ANGEL1: variants seen among roughly 807,000 people sequenced by gnomAD.
ANGEL1 encodes the protein RNA 2',3'-cyclic phosphatase ANGEL1.
In ANGEL1, 62 loss-of-function variants were observed where a neutral mutation model predicts 76.4. The ratio of observed to expected loss-of-function variants is 0.81; its 90% CI spans 0.66 to 1.00. The LOEUF is 1.00. Among genes scored for constraint, ANGEL1 ranks in the 50% least tolerant of loss-of-function variants. The pLI, the probability that ANGEL1 is intolerant of heterozygous loss-of-function variation, is 0.00. For synonymous variants in ANGEL1, 340 were observed against 331.7 expected (o/e 1.03, Z -0.27); for missense variants, 737 against 836.7 (o/e 0.88, Z 1.47).
chr14:76,811,582 CTAG>C (rs1185241974), intron 1 of ANGEL1, among the ~76,000 whole-genome samples: 1 of 149,444 alleles, frequency 6.7e-6, no homozygotes, highest in Non-Finnish European at 1.5e-5. Context: ...AACCTCTGGA[CTAG>C]TATACTGTAT....
At chr14:76,798,129 TTG>T (rs777058715) in intron 7 of ANGEL1, among the ~76,000 whole-genome samples, 1,331 of 75,444 alleles carry the variant, frequency 0.018, 28 homozygotes, top group African/African-American at 0.055. Context: ...GCCAGTGCCT[TTG>T]TTTTTTTTTT....
chr14:76,802,661 T>C (rs1894800327), intron 7 of ANGEL1, among the ~76,000 whole-genome samples: 1 of 151,890 alleles, frequency 6.6e-6, no homozygotes, highest in Non-Finnish European at 1.5e-5. Flanking sequence ...TATCATGACC[T>C]GTGCTTTCTA....
intron 9 of ANGEL1, among the ~76,000 whole-genome samples, chr14:76,790,273 A>T (rs947925249): frequency 6.6e-6 from 1 of 152,098 alleles, no homozygotes; most frequent in Non-Finnish European, 1.5e-5. Context: ...GGGAGAGGAG[A>T]CAGAAAATAA....
At chr14:76,789,966 G>A (rs1894354192) in intron 9 of ANGEL1, among the ~76,000 whole-genome samples, 1 of 151,426 alleles carries the variant, frequency 6.6e-6, no homozygotes, top group South Asian at 2.1e-4. Flanking sequence ...CCGAGTTCAA[G>A]CGATTCTCCT....
intron 7 of ANGEL1, among the ~76,000 whole-genome samples, chr14:76,791,927 A>G (rs568137656): frequency 3.3e-5 from 5 of 152,312 alleles, no homozygotes; most frequent in Admixed American, 1.3e-4. Context: ...CAAATTACCA[A>G]TATCAGGAAA....
chr14:76,804,170 T>A (rs1159885426), intron 5 of ANGEL1: 1 of 1,422,604 alleles, frequency 7.0e-7, no homozygotes. Flanking sequence ...TCGAATAGTA[T>A]GAACATGTGG....
intron 7 of ANGEL1, among the ~76,000 whole-genome samples, chr14:76,797,594 C>T (rs892014120): frequency 2.6e-5 from 4 of 151,332 alleles, no homozygotes; most frequent in Admixed American, 1.3e-4. Flanking sequence ...AGTGAGACTC[C>T]GTCTCGAAAA....
Position 76,803,858 on chromosome 14 carries a change from G to A in ANGEL1, c.1435C>T (p.Pro479Ser), listed in dbSNP as rs1204021887. The A allele has an allele frequency of 6.2e-7, 1 of 1,614,196 alleles. No individual in the cohort carries two copies. The highest frequency in any genetic ancestry group is 2.2e-5 in the East Asian group (1 of 44,882). Reference protein sequence around the residue: ...HQLYQRKLQAPLWPSSLGITD... With the variant: ...HQLYQRKLQASLWPSSLGITD... ...ATGCCCAGGGAGCTGGGCCACAGTG[G>A]GGCCTGCAGCTTCCTCTGGTAAAGC... Residue 479 changes from proline (P) to serine (S), a missense_variant, in exon 6 of 10, where the codon CCA (proline) becomes TCA (serine). Physicochemically the swap from Pro to Ser is moderately conservative, Grantham distance 74. Coordinates refer to ENST00000251089, the MANE Select transcript of ANGEL1 (RefSeq NM_015305.4).
intron 7 of ANGEL1, among the ~76,000 whole-genome samples, chr14:76,797,554 C>G (rs1044403487): frequency 2.6e-5 from 4 of 152,046 alleles, no homozygotes; most frequent in Non-Finnish European, 5.9e-5. Flanking sequence ...GAGCTGAGAT[C>G]GCGCCAATGC....
At chr14:76,805,853 T>G (rs561615899) in intron 5 of ANGEL1, among the ~76,000 whole-genome samples, 2 of 152,356 alleles carry the variant, frequency 1.3e-5, no homozygotes, top group East Asian at 3.9e-4. Flanking sequence ...CTAGGGCAAA[T>G]TACTTCACTT....
At chr14:76,803,971 C>T in intron 5 of ANGEL1, 59 bp from the exon 6 acceptor site, 1 of 1,613,884 alleles carries the variant, frequency 6.2e-7, no homozygotes, top group Non-Finnish European at 8.5e-7. Context: ...GAAGTAACAG[C>T]CCATGTTTTG....
At chr14:76,806,937 C>T in intron 4 of ANGEL1, 88 bp from the exon 5 acceptor site, 1 of 1,382,222 alleles carries the variant, frequency 7.2e-7, no homozygotes, top group East Asian at 2.3e-5. Context: ...CAGTGTATGC[C>T]CCTGAGGCAT....
At chr14:76,805,603 C>T (rs550468909) in intron 5 of ANGEL1, among the ~76,000 whole-genome samples, 180 of 152,208 alleles carry the variant, frequency 1.2e-3, no homozygotes, top group African/African-American at 4.2e-3. Flanking sequence ...GATAAAACTA[C>T]GAGGTGTTTG....
intron 4 of ANGEL1, 35 bp from the exon 5 acceptor site, chr14:76,806,884 A>C: frequency 6.3e-7 from 1 of 1,592,130 alleles, no homozygotes; most frequent in Non-Finnish European, 8.6e-7. Flanking sequence ...GATGGGTCAG[A>C]GTCCTTAAAG....
chr14:76,794,201 A>C (rs1202642867), intron 7 of ANGEL1, among the ~76,000 whole-genome samples: 1 of 152,216 alleles, frequency 6.6e-6, no homozygotes, highest in Non-Finnish European at 1.5e-5. Context: ...TTCTAAAATT[A>C]GATCATGGTG....
At chr14:76,805,432 T>C (rs908985305) in intron 5 of ANGEL1, among the ~76,000 whole-genome samples, 5 of 152,332 alleles carry the variant, frequency 3.3e-5, no homozygotes, top group African/African-American at 9.6e-5. Context: ...TCTGCACACA[T>C]CTGGCTCATT....
rs1895026579 is a variant in ANGEL1 at position 76,809,621 on chromosome 14, T to G, written c.87A>C (p.Lys29Asn). The G allele has an allele frequency of 2.5e-6, 4 of 1,613,052 alleles. No individual in the cohort carries two copies. Among genetic ancestry groups the G allele is most frequent in the African/African-American group, 2.7e-5 (2 of 74,868 alleles). ...ATGAGCTGTTCGCCAGAAGGACATT[T>G]TTTCGACATGTGAAGAAAGCATCTA... ...ALSDAFFTCR[K>N]NVLLANSSSP... The change falls in exon 2 of 10, where the codon AAA (lysine) becomes AAC (asparagine). Residue 29 changes from lysine (K) to asparagine (N), a missense_variant. This residue lies in a region of ANGEL1 where 441 missense variants were observed against 449.5 expected (regional missense o/e 0.98). Transcript: ENST00000251089.
In ANGEL1 at chr14:76,806,453, TC is replaced by T; in HGVS notation, c.1342del (p.Asp448MetfsTer79). On this transcript the variant is annotated frameshift_variant, in exon 5 of 10. Transcript: ENST00000251089. LOFTEE classifies it high-confidence loss of function. ...CATCCCATGGTACTGGAGCTCTCCA[TC>T]CCTGATGAAGTTGTAGAGAGGTGAA... ...PDSPLYNFIRDGELQYHGMPA... is the reference protein window; with the variant it reads ...PDSPLYNFIRXGELQYHGMPA... The T allele has an allele frequency of 6.2e-7, 1 of 1,614,092 alleles. No individual in the cohort carries two copies. Among genetic ancestry groups the T allele is most frequent in the Non-Finnish European group, 8.5e-7 (1 of 1,180,000 alleles).
At chr14:76,807,881 C>T (rs1003929670) in intron 3 of ANGEL1, 41 bp downstream of exon 3, 17 of 1,604,078 alleles carry the variant, frequency 1.1e-5, no homozygotes, top group Non-Finnish European at 1.4e-5. Context: ...CAGCCCAGGT[C>T]CAGCAACAAT....
Sources: gnomAD v4.1 joint callset for allele counts (sites outside exome capture counted in the v4.1 genomes callset) on GRCh38, gnomAD v4.1.1 for gene constraint, gnomAD v4.1.1 regional missense constraint, MANE v1.5 for transcripts, NCBI Gene and HGNC (gene_info 2026-07-23, HGNC 2026-07-21) for gene names.